PTPRD: variants seen among roughly 807,000 people sequenced by gnomAD.
PTPRD encodes receptor-type tyrosine-protein phosphatase delta.
Under a neutral mutation model 214.5 loss-of-function variants are expected in PTPRD, and 34 were observed. That is an observed-to-expected ratio of 0.16 (90% confidence interval 0.12 to 0.21). PTPRD has a LOEUF of 0.21. PTPRD is among the 10% of genes least tolerant of loss of function. PTPRD has a pLI of 1.00. For missense variants in PTPRD, 2,545 were observed against 2,398.7 expected (o/e 1.06, Z -1.27); for synonymous variants, 1,128 against 845.7 (o/e 1.33, Z -5.79).
chr9:9,522,341 G>T (rs926215463), intron 8 of PTPRD, among the ~76,000 whole-genome samples: 21 of 152,052 alleles, frequency 1.4e-4, no homozygotes, highest in African/African-American at 5.1e-4. Flanking sequence ...ATAGTAGATG[G>T]AAGGGCACAT....
chr9:9,700,552 C>T (rs2097478473), intron 7 of PTPRD, among the ~76,000 whole-genome samples: 1 of 151,694 alleles, frequency 6.6e-6, no homozygotes, highest in South Asian at 2.1e-4. Context: ...AGACAAACAA[C>T]AAAAACAAAA....
At chr9:9,993,284 A>T (rs1220440749) in intron 4 of PTPRD, among the ~76,000 whole-genome samples, 2 of 152,224 alleles carry the variant, frequency 1.3e-5, no homozygotes, top group Non-Finnish European at 2.9e-5. Context: ...TTTCATTCTT[A>T]GGTACATATA....
intron 9 of PTPRD, among the ~76,000 whole-genome samples, chr9:9,289,011 T>A (rs1409492779): frequency 1.3e-5 from 2 of 151,876 alleles, no homozygotes; most frequent in Non-Finnish European, 2.9e-5. Flanking sequence ...CTAAACCTCT[T>A]TTCTTTATAA....
intron 2 of PTPRD, among the ~76,000 whole-genome samples, chr9:10,459,325 T>C (rs1566187389): frequency 6.6e-6 from 1 of 152,204 alleles, no homozygotes; most frequent in Non-Finnish European, 1.5e-5. Flanking sequence ...TTGTTCTGAG[T>C]CTTTGCTGAA....
intron 3 of PTPRD, among the ~76,000 whole-genome samples, chr9:10,208,051 A>C (rs1265510680): frequency 6.6e-6 from 1 of 152,228 alleles, no homozygotes; most frequent in Non-Finnish European, 1.5e-5. Context: ...TGTCGATCAT[A>C]AACCTAAATA....
chr9:9,322,552 T>A (rs1238938894), intron 9 of PTPRD, among the ~76,000 whole-genome samples: 1 of 152,190 alleles, frequency 6.6e-6, no homozygotes, highest in Non-Finnish European at 1.5e-5. Context: ...TTTGGTATTA[T>A]CTTACGCATC....
intron 5 of PTPRD, among the ~76,000 whole-genome samples, chr9:9,774,592 C>T (rs1205859118): frequency 1.3e-5 from 2 of 152,156 alleles, no homozygotes; most frequent in Non-Finnish European, 2.9e-5. Context: ...AATATCTGTA[C>T]CTATAAAACA....
At chr9:9,562,497 T>G (rs2083236725) in intron 8 of PTPRD, among the ~76,000 whole-genome samples, 1 of 152,180 alleles carries the variant, frequency 6.6e-6, no homozygotes, top group Non-Finnish European at 1.5e-5. Flanking sequence ...GCTCTTAGTG[T>G]TAAAGCCAAA....
chr9:10,310,431 C>T (rs2096238062), intron 3 of PTPRD, among the ~76,000 whole-genome samples: 1 of 151,852 alleles, frequency 6.6e-6, no homozygotes, highest in Admixed American at 6.6e-5. Flanking sequence ...TTAGTCATGC[C>T]TATTTTAATA....
At chr9:9,465,863 G>A (rs1317185911) in intron 8 of PTPRD, among the ~76,000 whole-genome samples, 1 of 152,034 alleles carries the variant, frequency 6.6e-6, no homozygotes, top group East Asian at 1.9e-4. Flanking sequence ...TTAGCCATGT[G>A]CTGGATCTTG....
intron 2 of PTPRD, among the ~76,000 whole-genome samples, chr9:10,457,966 T>C (rs1310751667): frequency 2.0e-5 from 3 of 151,884 alleles, no homozygotes; most frequent in Non-Finnish European, 4.4e-5. Context: ...AGAAAATTGA[T>C]ACATTACTCA....
chr9:9,291,795 CT>C (rs55914023), intron 9 of PTPRD, among the ~76,000 whole-genome samples: 106,509 of 149,676 alleles, frequency 0.71, 38,160 homozygotes, highest in African/African-American at 0.78. Flanking sequence ...TATTTTCTCT[CT>C]TTTTTTAGGT....
chr9:9,765,878 G>A (rs1248747060), intron 6 of PTPRD, among the ~76,000 whole-genome samples: 1 of 152,076 alleles, frequency 6.6e-6, no homozygotes, highest in Non-Finnish European at 1.5e-5. Flanking sequence ...TAGCCAGGAT[G>A]GTCTCGATCT....
chr9:9,923,283 G>A, intron 5 of PTPRD, among the ~76,000 whole-genome samples: 1 of 149,376 alleles, frequency 6.7e-6, no homozygotes, highest in African/African-American at 2.5e-5. Flanking sequence ...GTAATGAATA[G>A]AAGAGTGGAA....
intron 39 of PTPRD, among the ~76,000 whole-genome samples, chr9:8,350,558 G>C (rs1257361229): frequency 1.3e-5 from 2 of 152,030 alleles, no homozygotes; most frequent in Non-Finnish European, 2.9e-5. Context: ...ACTCTGATGA[G>C]GCTGCCATTG....
At chr9:8,384,901 T>G (rs77423571) in intron 37 of PTPRD, among the ~76,000 whole-genome samples, 1,681 of 152,306 alleles carry the variant, frequency 0.011, 35 homozygotes, top group African/African-American at 0.038. Flanking sequence ...CCTTCAGGGT[T>G]GATAGCTGAA....
At chr9:8,455,796 A>G (rs892185879) in intron 33 of PTPRD, among the ~76,000 whole-genome samples, 5 of 152,216 alleles carry the variant, frequency 3.3e-5, no homozygotes, top group African/African-American at 1.2e-4. Flanking sequence ...CAGTGACTTT[A>G]TCAGGGAATC....
At chr9:8,759,616 T>C (rs1470689561) in intron 11 of PTPRD, among the ~76,000 whole-genome samples, 1 of 70,642 alleles carries the variant, frequency 1.4e-5, no homozygotes, top group Non-Finnish European at 2.6e-5. Flanking sequence ...GTTACATTTC[T>C]TTTTTTTTTT....
chr9:8,915,720 G>A (rs2098780906), intron 11 of PTPRD, among the ~76,000 whole-genome samples: 1 of 152,116 alleles, frequency 6.6e-6, no homozygotes, highest in Non-Finnish European at 1.5e-5. Flanking sequence ...CCCAGCTCCA[G>A]GCAATCAGGC....
Sources: gnomAD v4.1 joint callset for allele counts (sites outside exome capture counted in the v4.1 genomes callset) on GRCh38, gnomAD v4.1.1 for gene constraint, MANE v1.5 for transcripts, NCBI Gene and HGNC (gene_info 2026-07-23, HGNC 2026-07-21) for gene names.